ZNF451: variants seen among roughly 807,000 people sequenced by gnomAD.
The protein encoded by ZNF451 is E3 SUMO-protein ligase ZNF451.
A neutral mutation model predicts 107.1 loss-of-function variants in ZNF451; 80 were observed. That is an observed-to-expected ratio of 0.75 (90% CI 0.62 to 0.90). ZNF451 has a LOEUF of 0.90. Among genes scored for constraint, ZNF451 ranks in the 40% least tolerant of loss-of-function variants. The pLI, the probability that ZNF451 is intolerant of heterozygous loss-of-function variation, is 0.00. For synonymous variants in ZNF451, 362 were observed against 406.5 expected, an observed-to-expected ratio of 0.89 and a Z score of 1.32; for missense variants, 1,107 against 1,236.2, an observed-to-expected ratio of 0.90 and a Z score of 1.57.
rs180942068 is a variant in ZNF451, at chr6:57,103,584, A to C, written c.186+4443A>C. 239 of 985,398 alleles carry C rather than the reference A, an allele frequency of 2.4e-4. No individual in the cohort carries two copies. The African/African-American group carries it at 3.9e-3, about 16-fold the overall frequency. The allele number at this position is 985,398 out of a possible 1,614,324, so 61.0% of individuals were successfully genotyped here. On this transcript the variant is annotated intron_variant, in intron 3 of 14. Transcript: ENST00000370706. ...CACAGCATGACATCAGGAATGGAGA[A>C]TATGTCAAATTTGAGGGGTCTGAAT...
intron 14 of ZNF451, among the ~76,000 whole-genome samples, chr6:57,161,902 CT>C (rs1375727181): frequency 6.6e-6 from 1 of 152,196 alleles, no homozygotes; most frequent in East Asian, 1.9e-4. Flanking sequence ...AAAGGAAAAG[CT>C]ATTTCCTTCC....
At chr6:57,128,870 C>T (rs377423293) in intron 5 of ZNF451, 30 bp downstream of exon 5, 717 of 1,513,460 alleles carry the variant, frequency 4.7e-4, no homozygotes, top group Non-Finnish European at 5.7e-4. Flanking sequence ...CTAAGGTTAC[C>T]TAGCTTCCCC....
chr6:57,151,632 T>G (rs1832355193), intron 11 of ZNF451, among the ~76,000 whole-genome samples: 1 of 152,202 alleles, frequency 6.6e-6, no homozygotes, highest in African/African-American at 2.4e-5. Flanking sequence ...ATTTTCAACA[T>G]GCCATAACTG....
intron 2 of ZNF451, among the ~76,000 whole-genome samples, chr6:57,097,914 C>T (rs1829403837): frequency 6.6e-6 from 1 of 150,930 alleles, no homozygotes; most frequent in East Asian, 1.9e-4. Flanking sequence ...ATCACTGACT[C>T]CTTGTTTTGT....
At position 57,163,436 on chromosome 6, in the gene ZNF451, C is replaced by CTTTTTTTTTTTTTTTTTTTTTTTTT. The variant is rs398001706; in HGVS notation, c.3139+2292_3139+2316dup. Among the ~76,000 whole-genome samples the CTTTTTTTTTTTTTTTTTTTTTTTTT allele has an allele frequency of 7.3e-4, 22 of 30,340 alleles. 7 individuals carry two copies. Among genetic ancestry groups the CTTTTTTTTTTTTTTTTTTTTTTTTT allele is most frequent in the Non-Finnish European group, 1.1e-3 (18 of 16,452 alleles). The allele number at this position is 30,340 out of a possible 152,430, so 19.9% of individuals were successfully genotyped here. On this transcript the variant is annotated intron_variant, in intron 14 of 14. Coordinates refer to ENST00000370706, the MANE Select transcript of ZNF451 (RefSeq NM_001031623.3). ...AATGGTTGCTTGTTAAATGAATAAA[C>CTTTTTTTTTTTTTTTTTTTTTTTTT]TTTTTTTTTTTTTTTTTTTTTTTTT... is the stretch of plus-strand genomic sequence containing the variant.
At chr6:57,091,871 T>A (rs1161709486) in intron 2 of ZNF451, among the ~76,000 whole-genome samples, 1 of 152,238 alleles carries the variant, frequency 6.6e-6, no homozygotes, top group Non-Finnish European at 1.5e-5. Context: ...TAGGGCCATT[T>A]TGGTAATTCA....
intron 14 of ZNF451, 98 bp from the exon 15 acceptor site, chr6:57,168,325 T>C: frequency 2.4e-6 from 2 of 820,472 alleles, no homozygotes; most frequent in Non-Finnish European, 1.9e-6. Context: ...GATTTTACTT[T>C]CCTTCTTGAA....
At chr6:57,101,787 G>T (rs999944292) in intron 3 of ZNF451, 7 of 1,550,420 alleles carry the variant, frequency 4.5e-6, no homozygotes, top group Admixed American at 2.0e-5. Context: ...ACTATAGACG[G>T]CAGGCCTGGC....
Position 57,150,492 on chromosome 6 carries a change from A to G in ZNF451, c.2609-227A>G, listed in dbSNP as rs1832292543. On this transcript the variant is annotated intron_variant, in intron 10 of 14. Transcript: ENST00000370706. ...GTTGTTGGAAGAAAATGTTTGCAAG[A>G]AGGATATATAACCAAAATTGGTGAA... 4 of 369,570 alleles carry G rather than the reference A, an allele frequency of 1.1e-5. No homozygotes were observed. In the South Asian group the frequency reaches 4.9e-4, roughly 45 times the overall value. The allele number at this position is 369,570 out of a possible 1,614,324, so 22.9% of individuals were successfully genotyped here.
chr6:57,106,110 T>C, intron 3 of ZNF451: 1 of 985,288 alleles, frequency 1.0e-6, no homozygotes, highest in Non-Finnish European at 1.2e-6. Flanking sequence ...CAGGATAACC[T>C]CTCAGGTACT....
chr6:57,132,495 G>A (rs1210092019), intron 5 of ZNF451, among the ~76,000 whole-genome samples: 1 of 152,140 alleles, frequency 6.6e-6, no homozygotes, highest in Non-Finnish European at 1.5e-5. Flanking sequence ...CAAGGTGGGA[G>A]GATCACTTCA....
intron 7 of ZNF451, among the ~76,000 whole-genome samples, chr6:57,138,874 G>T (rs1360674629): frequency 6.7e-6 from 1 of 148,318 alleles, no homozygotes; most frequent in African/African-American, 2.5e-5. Flanking sequence ...TTAAGTGCTG[G>T]GATTACAGGT....
chr6:57,102,826 A>G (rs1214669801), intron 3 of ZNF451: 1 of 985,332 alleles, frequency 1.0e-6, no homozygotes, highest in East Asian at 1.1e-4. Flanking sequence ...CACAGTAACT[A>G]TCTTCATCAA....
chr6:57,155,086 T>C (rs1008095424), intron 13 of ZNF451, among the ~76,000 whole-genome samples: 3 of 152,218 alleles, frequency 2.0e-5, no homozygotes, highest in Non-Finnish European at 4.4e-5. Context: ...CTTGTGTCTT[T>C]ATGTCATGCC....
chr6:57,099,538 A>G (rs1038570517), intron 3 of ZNF451: 6 of 716,668 alleles, frequency 8.4e-6, no homozygotes, highest in Non-Finnish European at 1.6e-5. Flanking sequence ...TCTCTTAGAA[A>G]AAAGGATATG....
chr6:57,131,700 ATTGTC>A (rs1047871401), intron 5 of ZNF451, among the ~76,000 whole-genome samples: 32 of 152,304 alleles, frequency 2.1e-4, no homozygotes, highest in African/African-American at 7.5e-4. Context: ...TAAAAATCAT[ATTGTC>A]TTAAGGGAAT....
chr6:57,138,737 ATATATGTGTGTGTGTGTGTGTG>A (rs1831584811), intron 7 of ZNF451, among the ~76,000 whole-genome samples: 2 of 91,294 alleles, frequency 2.2e-5, no homozygotes, highest in Non-Finnish European at 4.1e-5. Context: ...ATATATATAT[ATATATGTGTGTGTGTGTGTGTG>A]TGTGTGTGTG....
chr6:57,097,339 G>A (rs1240541211), intron 2 of ZNF451, among the ~76,000 whole-genome samples: 2 of 152,180 alleles, frequency 1.3e-5, no homozygotes, highest in Admixed American at 1.3e-4. Context: ...GAGACTGGAT[G>A]CCTATTCTAG....
At chr6:57,156,633 A>G (rs1368018438) in intron 13 of ZNF451, among the ~76,000 whole-genome samples, 1 of 152,226 alleles carries the variant, frequency 6.6e-6, no homozygotes, top group Non-Finnish European at 1.5e-5. Flanking sequence ...CAAAATAAAC[A>G]TGTATGTACT....
Sources: gnomAD v4.1 joint callset for allele counts (sites outside exome capture counted in the v4.1 genomes callset) on GRCh38, gnomAD v4.1.1 for gene constraint, MANE v1.5 for transcripts, NCBI Gene and HGNC (gene_info 2026-07-23, HGNC 2026-07-21) for gene names.